Variants in MECOM observed in about 807,000 individuals in gnomAD.
MECOM encodes MDS1 and EVI1 complex locus.
In MECOM, 13 loss-of-function variants were observed where a neutral mutation model predicts 116.3. The ratio of observed to expected loss-of-function variants is 0.11; its 90% confidence interval spans 0.07 to 0.18. The LOEUF (loss-of-function observed/expected upper bound fraction) is 0.18. MECOM is among the 10% of genes least tolerant of loss of function. The pLI, the probability that MECOM is intolerant of heterozygous loss-of-function variation, is 1.00. For synonymous variants in MECOM, 528 were observed against 535.2 expected, an observed-to-expected ratio of 0.99 and a Z score of 0.19; for missense variants, 1,299 against 1,509.0, an observed-to-expected ratio of 0.86 and a Z score of 2.31.
chr3:169,454,889 AC>A (rs1332812221), intron 1 of MECOM, among the ~76,000 whole-genome samples: 10 of 152,192 alleles, frequency 6.6e-5, no homozygotes, highest in Non-Finnish European at 1.3e-4. Context: ...CCTGATGACT[AC>A]CAAAGATTGG....
At chr3:169,291,544 G>C (rs1577608626) in intron 2 of MECOM, among the ~76,000 whole-genome samples, 1 of 152,082 alleles carries the variant, frequency 6.6e-6, no homozygotes, top group East Asian at 1.9e-4. Flanking sequence ...GGAGAAGTGG[G>C]CAAATGTCTG....
chr3:169,343,456 A>G (rs1346745868), intron 2 of MECOM, among the ~76,000 whole-genome samples: 1 of 152,098 alleles, frequency 6.6e-6, no homozygotes, highest in Non-Finnish European at 1.5e-5. Flanking sequence ...CTGCACATTA[A>G]CTCTGTACTC....
intron 1 of MECOM, among the ~76,000 whole-genome samples, chr3:169,548,017 G>T (rs1212272681): frequency 6.6e-6 from 1 of 152,130 alleles, no homozygotes; most frequent in Non-Finnish European, 1.5e-5. Flanking sequence ...CTTTGATGGA[G>T]ACATCAGTAC....
chr3:169,134,438 T>C (rs375771002), intron 3 of MECOM, among the ~76,000 whole-genome samples: 1 of 152,294 alleles, frequency 6.6e-6, no homozygotes, highest in East Asian at 1.9e-4. Flanking sequence ...AAAAGCAAAG[T>C]GGATTTTAAC....
intron 1 of MECOM, among the ~76,000 whole-genome samples, chr3:169,589,747 C>T (rs551205767): frequency 2.6e-4 from 40 of 152,256 alleles, no homozygotes; most frequent in South Asian, 4.1e-4. Context: ...TCATCTTCAT[C>T]GCCACACTGC....
intron 1 of MECOM, among the ~76,000 whole-genome samples, chr3:169,601,109 C>T (rs1289610003): frequency 1.3e-5 from 2 of 152,166 alleles, no homozygotes; most frequent in Admixed American, 6.5e-5. Flanking sequence ...CAGGAAGACT[C>T]TTAGAATGAA....
intron 1 of MECOM, among the ~76,000 whole-genome samples, chr3:169,605,864 T>C (rs1213775232): frequency 6.6e-6 from 1 of 152,202 alleles, no homozygotes; most frequent in Non-Finnish European, 1.5e-5. Context: ...ATAAATGATG[T>C]AACGCATTTG....
intron 16 of MECOM, among the ~76,000 whole-genome samples, chr3:169,087,858 T>C (rs946384885): frequency 1.6e-4 from 24 of 152,192 alleles, no homozygotes; most frequent in African/African-American, 5.5e-4. Context: ...AGTCTTTAAG[T>C]GATGTTCTTA....
At chr3:169,188,553 A>G (rs1447619770) in intron 2 of MECOM, among the ~76,000 whole-genome samples, 3 of 152,060 alleles carry the variant, frequency 2.0e-5, no homozygotes, top group Non-Finnish European at 4.4e-5. Flanking sequence ...TGACCAAGAC[A>G]CAGTACTCCG....
intron 1 of MECOM, among the ~76,000 whole-genome samples, chr3:169,499,070 T>TAA (rs1192387492): frequency 1.3e-5 from 2 of 151,746 alleles, no homozygotes; most frequent in Non-Finnish European, 2.9e-5. Context: ...AAATCAGAGT[T>TAA]AAGAGATATA....
rs1449555513 is a variant in MECOM at position 169,136,017 on chromosome 3, T to G, written c.511-4486A>C. Among the ~76,000 whole-genome samples, 4 of 151,926 alleles carry G rather than the reference T, an allele frequency of 2.6e-5. No individual in the cohort carries two copies. In the East Asian group the frequency reaches 7.7e-4, roughly 29 times the overall value. On this transcript the variant is annotated intron_variant, in intron 3 of 16. Coordinates refer to ENST00000651503, the MANE Select transcript of MECOM (RefSeq NM_004991.4). ...CACAGCTTAAGGCATAATTATAATA[T>G]TATACATGTATATAGAAATTAAATG...
chr3:169,472,400 T>C (rs562883800), intron 1 of MECOM, among the ~76,000 whole-genome samples: 3 of 83,868 alleles, frequency 3.6e-5, no homozygotes, highest in East Asian at 6.3e-4. Context: ...GGAAAAATAA[T>C]AGAGGAGAGG....
intron 2 of MECOM, among the ~76,000 whole-genome samples, chr3:169,210,675 T>C (rs188064900): frequency 3.4e-4 from 52 of 152,288 alleles, no homozygotes; most frequent in Admixed American, 1.4e-3. Flanking sequence ...TGATAACTTT[T>C]GACAAATGTA....
At chr3:169,407,541 C>T (rs1024923133) in intron 1 of MECOM, among the ~76,000 whole-genome samples, 51 of 152,238 alleles carry the variant, frequency 3.4e-4, no homozygotes, top group Non-Finnish European at 4.4e-4. Flanking sequence ...AAGTAAAAAT[C>T]GAAATAAAAC....
intron 1 of MECOM, among the ~76,000 whole-genome samples, chr3:169,635,766 G>C (rs1772669620): frequency 6.6e-6 from 1 of 152,170 alleles, no homozygotes; most frequent in Non-Finnish European, 1.5e-5. Flanking sequence ...AAATAATCTA[G>C]AGTATAAAGG....
intron 2 of MECOM, among the ~76,000 whole-genome samples, chr3:169,316,027 A>G (rs1005373986): frequency 6.6e-6 from 1 of 152,252 alleles, no homozygotes; most frequent in Non-Finnish European, 1.5e-5. Flanking sequence ...TTCTTAATTA[A>G]AATTAGAGTT....
rs552218996 is a variant in MECOM, at chr3:169,561,174, G to A, written c.37+102162C>T. ...AAAAGTTTTATAATTTTCGATGTAA[G>A]GGTATATGAATATTGGAGCTTTCAT... is the stretch of plus-strand genomic sequence containing the variant. On this transcript the variant is annotated intron_variant, in intron 1 of 16. Transcript: ENST00000651503. Among the ~76,000 whole-genome samples, 5 of 151,914 alleles carry A rather than the reference G, an allele frequency of 3.3e-5. No individual in the cohort carries two copies. The East Asian group carries it at 9.7e-4, about 29-fold the overall frequency.
At chr3:169,533,591 T>A (rs79810278) in intron 1 of MECOM, among the ~76,000 whole-genome samples, 5 of 132,238 alleles carry the variant, frequency 3.8e-5, no homozygotes, top group Non-Finnish European at 8.0e-5. Context: ...TTTTTTTTTT[T>A]ATTTCCTTAT....
At chr3:169,598,596 C>G (rs543152930) in intron 1 of MECOM, among the ~76,000 whole-genome samples, 1 of 152,112 alleles carries the variant, frequency 6.6e-6, no homozygotes, top group African/African-American at 2.4e-5. Context: ...TCAATTCTAC[C>G]GCCACCTTGA....
Sources: gnomAD v4.1 joint callset for allele counts (sites outside exome capture counted in the v4.1 genomes callset) on GRCh38, gnomAD v4.1.1 for gene constraint, MANE v1.5 for transcripts, NCBI Gene and HGNC (gene_info 2026-07-23, HGNC 2026-07-21) for gene names.